Variants in ARHGAP15 observed in about 807,000 individuals in gnomAD.
ARHGAP15 encodes the protein Rho GTPase activating protein 15, also known as rho GTPase-activating protein 15.
Under a neutral mutation model 63.7 loss-of-function variants are expected in ARHGAP15, and 51 were observed. That is an observed-to-expected ratio of 0.80 (90% CI 0.64 to 1.01). The LOEUF (loss-of-function observed/expected upper bound fraction) is 1.01, where lower values mean the gene tolerates loss of function less well. ARHGAP15 is among the 50% of genes least tolerant of loss of function. The pLI, the probability that ARHGAP15 is intolerant of heterozygous loss-of-function variation, is 0.00. For synonymous variants in ARHGAP15, 191 were observed against 193.8 expected (o/e 0.99, Z 0.12); for missense variants, 560 against 564.6 (o/e 0.99, Z 0.08).
intron 2 of ARHGAP15, among the ~76,000 whole-genome samples, chr2:143,200,099 C>T (rs1205627461): frequency 6.6e-6 from 1 of 152,088 alleles, no homozygotes; most frequent in African/African-American, 2.4e-5. Context: ...TAATTGAATC[C>T]TGCTGGCCAG....
intron 4 of ARHGAP15, among the ~76,000 whole-genome samples, chr2:143,223,037 C>T (rs1333026411): frequency 2.6e-5 from 4 of 152,034 alleles, no homozygotes; most frequent in Admixed American, 6.6e-5. Context: ...AGTGCAGTGG[C>T]GCGAACTTGG....
At chr2:143,381,459 G>GA (rs34688880) in intron 6 of ARHGAP15, among the ~76,000 whole-genome samples, 13 of 151,312 alleles carry the variant, frequency 8.6e-5, no homozygotes, top group Admixed American at 5.3e-4. Flanking sequence ...GCAAAAGATT[G>GA]AAAAAAAAAT....
intron 12 of ARHGAP15, among the ~76,000 whole-genome samples, chr2:143,688,436 C>T (rs1200329467): frequency 6.6e-6 from 1 of 152,128 alleles, no homozygotes; most frequent in Non-Finnish European, 1.5e-5. Context: ...TTCACCTGAA[C>T]CATCAAGGGT....
At chr2:143,411,551 T>C (rs964212519) in intron 6 of ARHGAP15, among the ~76,000 whole-genome samples, 5 of 152,222 alleles carry the variant, frequency 3.3e-5, no homozygotes, top group African/African-American at 1.2e-4. Flanking sequence ...TTATTGAATA[T>C]AAGGACCCTA....
chr2:143,622,552 G>A (rs1248838923), intron 11 of ARHGAP15, among the ~76,000 whole-genome samples: 1 of 151,978 alleles, frequency 6.6e-6, no homozygotes, highest in Non-Finnish European at 1.5e-5. Flanking sequence ...AAGACTAATT[G>A]TTGAAATACA....
rs1697285292 is a variant in ARHGAP15 at position 143,590,658 on chromosome 2, C to T, written c.1004-33475C>T. 3.3e-5 allele frequency among the ~76,000 whole-genome samples: 5 copies of T among 152,194 alleles called. No individual in the cohort carries two copies. In the South Asian group the frequency reaches 1.0e-3, roughly 32 times the overall value. On this transcript the variant is annotated intron_variant, in intron 11 of 13. Transcript: ENST00000295095. The stretch of plus-strand genomic sequence containing the variant: ...TGCTGATTAGAAATCCTTCCAGAAT[C>T]GCCTTCTATAATGTTTCTGTTTTAT...
chr2:143,451,455 T>G (rs1690403998), intron 8 of ARHGAP15, among the ~76,000 whole-genome samples: 1 of 151,844 alleles, frequency 6.6e-6, no homozygotes, highest in African/African-American at 2.4e-5. Flanking sequence ...AAAATTATAT[T>G]CTTGATAAGC....
rs1694519173 is a variant in ARHGAP15 at position 143,531,386 on chromosome 2, GC to G, written c.925+12023del. Among the ~76,000 whole-genome samples the G allele has an allele frequency of 6.6e-5, 10 of 152,176 alleles. No homozygotes were observed. In the South Asian group the frequency reaches 2.1e-3, roughly 32 times the overall value. ...ACAGACATTCAATCATTTTCAGTGG[GC>G]TTTTTCTAGCATTCACTGTGATGTA... On this transcript the variant is annotated intron_variant, in intron 10 of 13. Coordinates refer to ENST00000295095, the MANE Select transcript of ARHGAP15 (RefSeq NM_018460.4).
At chr2:143,598,395 C>A (rs1421638651) in intron 11 of ARHGAP15, among the ~76,000 whole-genome samples, 11 of 152,156 alleles carry the variant, frequency 7.2e-5, no homozygotes. Context: ...GTAAAGACTT[C>A]AGTTGTATTA....
intron 12 of ARHGAP15, among the ~76,000 whole-genome samples, chr2:143,690,861 T>C (rs1683567188): frequency 6.6e-6 from 1 of 152,142 alleles, no homozygotes; most frequent in South Asian, 2.1e-4. Context: ...GTCTCAAGTC[T>C]TTAACAAAAG....
intron 10 of ARHGAP15, among the ~76,000 whole-genome samples, chr2:143,553,553 C>T (rs1311568355): frequency 1.3e-5 from 2 of 152,224 alleles, no homozygotes; most frequent in East Asian, 1.9e-4. Flanking sequence ...CTGATTTACC[C>T]TCCCTGTCTC....
chr2:143,746,493 A>G (rs891370972), intron 13 of ARHGAP15, among the ~76,000 whole-genome samples: 1 of 152,224 alleles, frequency 6.6e-6, no homozygotes, highest in African/African-American at 2.4e-5. Context: ...AGACAGAAAA[A>G]TATTGGGGAG....
At chr2:143,279,948 A>T (rs1681758366) in intron 6 of ARHGAP15, among the ~76,000 whole-genome samples, 1 of 152,250 alleles carries the variant, frequency 6.6e-6, no homozygotes, top group East Asian at 1.9e-4. Context: ...CACTGGATCC[A>T]CTGGAGATCT....
intron 2 of ARHGAP15, among the ~76,000 whole-genome samples, chr2:143,182,029 C>T (rs547206138): frequency 6.6e-6 from 1 of 151,146 alleles, no homozygotes; most frequent in African/African-American, 2.4e-5. Context: ...GAAACCCCTG[C>T]CTCCCGGGTT....
intron 1 of ARHGAP15, among the ~76,000 whole-genome samples, chr2:143,135,475 A>G (rs1689098903): frequency 6.6e-6 from 1 of 152,194 alleles, no homozygotes; most frequent in Non-Finnish European, 1.5e-5. Context: ...TACTTAGCCA[A>G]TGAAAACTGT....
intron 13 of ARHGAP15, among the ~76,000 whole-genome samples, chr2:143,724,576 C>G (rs576348041): frequency 2.1e-4 from 32 of 152,132 alleles, no homozygotes; most frequent in African/African-American, 6.7e-4. Context: ...GGTAGAGAGT[C>G]AAGCAATAGG....
chr2:143,507,936 G>A lies in ARHGAP15; in HGVS notation c.827-11330G>A, dbSNP rs1244976561. Among the ~76,000 whole-genome samples, 5 of 150,074 alleles carry A rather than the reference G, an allele frequency of 3.3e-5. No individual in the cohort carries two copies. The East Asian group carries it at 9.8e-4, about 29-fold the overall frequency. On this transcript the variant is annotated intron_variant, in intron 9 of 13. Coordinates refer to ENST00000295095, the MANE Select transcript of ARHGAP15 (RefSeq NM_018460.4). ...TCTTCCTATATTTCACTACCCCCCTGATGAGCCTTCCTACTTCTCCTCTTA... is the reference window on the plus strand; with the variant it reads ...TCTTCCTATATTTCACTACCCCCCTAATGAGCCTTCCTACTTCTCCTCTTA...
At chr2:143,240,695 A>G (rs1404261929) in intron 5 of ARHGAP15, among the ~76,000 whole-genome samples, 1 of 152,216 alleles carries the variant, frequency 6.6e-6, no homozygotes, top group Non-Finnish European at 1.5e-5. Context: ...TTTAATGATT[A>G]GGAAAAACAA....
intron 6 of ARHGAP15, among the ~76,000 whole-genome samples, chr2:143,253,807 C>T (rs1680285434): frequency 6.6e-6 from 1 of 151,596 alleles, no homozygotes; most frequent in Non-Finnish European, 1.5e-5. Context: ...TGTGTGTATA[C>T]ACACCTAATA....
Sources: gnomAD v4.1 joint callset for allele counts (sites outside exome capture counted in the v4.1 genomes callset) on GRCh38, gnomAD v4.1.1 for gene constraint, MANE v1.5 for transcripts, NCBI Gene and HGNC (gene_info 2026-07-23, HGNC 2026-07-21) for gene names.